CYLC2: variants seen among roughly 807,000 people sequenced by gnomAD.
CYLC2 encodes cylicin 2, also known as cylicin-2.
A neutral mutation model predicts 26.1 loss-of-function variants in CYLC2; 30 were observed. The observed-to-expected ratio is 1.15, with a 90% CI of 0.86 to 1.56. The LOEUF (loss-of-function observed/expected upper bound fraction) is 1.56, where lower values mean the gene tolerates loss of function less well. Ranked by LOEUF, CYLC2 falls within the 40% of genes most tolerant of loss-of-function variation. CYLC2 has a pLI of 0.00. For synonymous variants in CYLC2, 158 were observed against 132.8 expected (o/e 1.19, Z -1.31); for missense variants, 498 against 394.4 (o/e 1.26, Z -2.23).
intron 2 of CYLC2, 62 bp downstream of exon 2, chr9:103,001,680 C>T: frequency 9.6e-7 from 1 of 1,039,888 alleles, no homozygotes; most frequent in East Asian, 2.4e-5. Context: ...TAAGTATTAT[C>T]CTCTATTCAA....
intron 5 of CYLC2, among the ~76,000 whole-genome samples, chr9:103,010,508 C>T (rs180772090): frequency 2.0e-5 from 3 of 152,096 alleles, no homozygotes; most frequent in East Asian, 3.9e-4. Flanking sequence ...GAGTGCAAAA[C>T]CAGAATTTGA....
Position 103,006,017 on chromosome 9 carries a change from GACACACACACACACACAC to G in CYLC2, c.*377_*394del, listed in dbSNP as rs201304746. 13,866 of 120,042 alleles carry G rather than the reference GACACACACACACACACAC, an allele frequency of 0.12. 841 individuals carry two copies. The highest frequency in any genetic ancestry group is 0.21 in the East Asian group (935 of 4,392). The allele number at this position is 120,042 out of a possible 1,614,324, so 7.4% of individuals were successfully genotyped here. On this transcript the variant is annotated 3_prime_UTR_variant, in exon 5 of 8. Coordinates refer to ENST00000374798, the MANE Select transcript of CYLC2 (RefSeq NM_001340.5). ...TGAAGATAATGACACTAAATCTATG[GACACACACACACACACAC>G]ACACACACACACACACACACACACA...
At chr9:103,009,995 GTATA>G (rs200311032) in intron 5 of CYLC2, among the ~76,000 whole-genome samples, 19 of 143,344 alleles carry the variant, frequency 1.3e-4, no homozygotes, top group African/African-American at 3.9e-4. Context: ...ACATGTATGT[GTATA>G]TATATATATA....
At chr9:103,012,549 C>T (rs1174619866) in intron 6 of CYLC2, among the ~76,000 whole-genome samples, 1 of 151,940 alleles carries the variant, frequency 6.6e-6, no homozygotes, top group African/African-American at 2.4e-5. Flanking sequence ...GTAAGTTCTT[C>T]ACTTAGCCTA....
rs2118285695 is a variant in CYLC2, at chr9:103,018,437, A to G, written c.*1003A>G. The G allele has an allele frequency of 6.6e-6, 1 of 152,112 alleles. No homozygotes were observed. Among genetic ancestry groups the G allele is most frequent in the East Asian group, 1.9e-4 (1 of 5,168 alleles). 9.4% of individuals were successfully genotyped at this position (152,112 alleles called of 1,614,324 possible). ...GCTTGACAGCTCTAATTACGAATTG[A>G]ACACATTAAACACCTGGTGAAATTA... On this transcript the variant is annotated 3_prime_UTR_variant, in exon 8 of 8. Coordinates refer to ENST00000374798, the MANE Select transcript of CYLC2 (RefSeq NM_001340.5).
At chr9:103,004,910 A>C in intron 4 of CYLC2, 59 bp downstream of exon 4, 1 of 1,573,274 alleles carries the variant, frequency 6.4e-7, no homozygotes, top group Non-Finnish European at 8.6e-7. Flanking sequence ...GATTTCTATT[A>C]GAATTTTATC....
At position 103,006,112 on chromosome 9, in the gene CYLC2, G is replaced by T. The variant is rs1025433863; in HGVS notation, c.*434G>T. 6.7e-6 allele frequency: 1 copy of T among 149,198 alleles called. No individual in the cohort carries two copies. Among genetic ancestry groups the T allele is most frequent in the Admixed American group, 6.9e-5 (1 of 14,522 alleles). 9.2% of individuals were successfully genotyped at this position (149,198 alleles called of 1,614,324 possible). A position where few individuals can be genotyped will look rare whatever the true frequency, so the allele number is the denominator to read the frequency against. ...TAAAGAATCCAAGGAGACAGATGTT[G>T]TATCTATAGATTTAAAATAATCTCA... On this transcript the variant is annotated 3_prime_UTR_variant, in exon 5 of 8. Transcript: ENST00000374798.
In CYLC2 at chr9:103,012,045, T is replaced by G. The variant is rs1037569821; in HGVS notation, c.*764T>G. The G allele has an allele frequency of 7.1e-6, 1 of 141,534 alleles. No homozygotes were observed. Among genetic ancestry groups the G allele is most frequent in the African/African-American group, 2.6e-5 (1 of 37,868 alleles). The allele number at this position is 141,534 out of a possible 1,614,324, so 8.8% of individuals were successfully genotyped here. On this transcript the variant is annotated 3_prime_UTR_variant, in exon 6 of 8. Coordinates refer to ENST00000374798, the MANE Select transcript of CYLC2 (RefSeq NM_001340.5). The stretch of plus-strand genomic sequence containing the variant: ...TCTCAGGCTTACTACAGCCTCCACC[T>G]TCAGGTTCAAGTGATTCTCCTGCCT...
Position 103,005,114 on chromosome 9 carries a change from CA to C in CYLC2, c.489del (p.Gly164ValfsTer69). On this transcript the variant is annotated frameshift_variant, in exon 5 of 8. Coordinates refer to ENST00000374798, the MANE Select transcript of CYLC2 (RefSeq NM_001340.5). LOFTEE classifies it high-confidence loss of function. Reference sequence around the variant, plus strand: ...AAAAGCTAGATGCAAAGAAAGATAGCAAAAAAGGTAAAAAGGATGCAGAGAA... The same window carrying C: ...AAAAGCTAGATGCAAAGAAAGATAGCAAAAAGGTAAAAAGGATGCAGAGAA... ...EEKLDAKKDS[K>X]KGKKDAEKGK... The C allele has an allele frequency of 6.2e-7, 1 of 1,605,148 alleles. No homozygotes were observed. The highest frequency in any genetic ancestry group is 1.7e-5 in the Admixed American group (1 of 57,898).
At position 102,997,513 on chromosome 9, in the gene CYLC2, T is replaced by G. The variant is rs1004914502; in HGVS notation, c.17+2116T>G. Among the ~76,000 whole-genome samples, 4 of 152,024 alleles carry G rather than the reference T, an allele frequency of 2.6e-5. No individual in the cohort carries two copies. The East Asian group carries it at 5.8e-4, about 22-fold the overall frequency. ...GTTGACCTTGCCTTTACACAGAGAC[T>G]CCTCTAGCAAATACAAGAAGAGAAG... On this transcript the variant is annotated intron_variant, in intron 1 of 7. Coordinates refer to ENST00000374798, the MANE Select transcript of CYLC2 (RefSeq NM_001340.5).
chr9:102,999,579 A>G (rs1030081785), intron 1 of CYLC2, among the ~76,000 whole-genome samples: 1 of 151,308 alleles, frequency 6.6e-6, no homozygotes, highest in Non-Finnish European at 1.5e-5. Flanking sequence ...TATTCCTCCA[A>G]TAAGTTTAAT....
chr9:103,003,518 C>T (rs2118234289), intron 3 of CYLC2, among the ~76,000 whole-genome samples: 1 of 152,242 alleles, frequency 6.6e-6, no homozygotes, highest in East Asian at 1.9e-4. Flanking sequence ...TTGAATTTTA[C>T]ATTTAAATTA....
At position 103,004,857 on chromosome 9, in the gene CYLC2, G is replaced by A; in HGVS notation, c.337+6G>A. The A allele has an allele frequency of 6.2e-7, 1 of 1,605,412 alleles. No individual in the cohort carries two copies. The stretch of plus-strand genomic sequence containing the variant: ...GGTGGATTCTAAAGCAGCAGGTAGA[G>A]ATAACTTACTGTTTTTATAGTATCT... On this transcript the variant is annotated splice_donor_region_variant and intron_variant, in intron 4 of 7. Coordinates refer to ENST00000374798, the MANE Select transcript of CYLC2 (RefSeq NM_001340.5).
chr9:103,005,804 G>T lies in CYLC2; in HGVS notation c.*126G>T. The T allele has an allele frequency of 2.8e-6, 3 of 1,078,544 alleles. No homozygotes were observed. In the Admixed American group the frequency reaches 7.0e-5, roughly 25 times the overall value. 66.8% of individuals were successfully genotyped at this position (1,078,544 alleles called of 1,614,324 possible). On this transcript the variant is annotated 3_prime_UTR_variant, in exon 5 of 8. Coordinates refer to ENST00000374798, the MANE Select transcript of CYLC2 (RefSeq NM_001340.5). Reference sequence around the variant, plus strand: ...CAAAGAATTAAATAATTTTTAAAAGGTGGTAAAGAAGGATACAAAGGAGAA... The same window carrying T: ...CAAAGAATTAAATAATTTTTAAAAGTTGGTAAAGAAGGATACAAAGGAGAA...
rs1031942658 is a variant in CYLC2 at position 103,016,890 on chromosome 9, A to C, written c.*819A>C. 6.6e-6 allele frequency: 1 copy of C among 151,974 alleles called. No individual in the cohort carries two copies. The highest frequency in any genetic ancestry group is 1.5e-5 in the Non-Finnish European group (1 of 67,962). 9.4% of individuals were successfully genotyped at this position (151,974 alleles called of 1,614,324 possible). On this transcript the variant is annotated splice_region_variant and 3_prime_UTR_variant, in exon 7 of 8. Transcript: ENST00000374798. ...GATAAACTTTTTGTTTTTGAAAGGG[A>C]AGGAAAATAGCTGGCATTTCTTGCT...
At chr9:103,015,468 T>C (rs1829493273) in intron 6 of CYLC2, among the ~76,000 whole-genome samples, 1 of 138,272 alleles carries the variant, frequency 7.2e-6, no homozygotes, top group Non-Finnish European at 1.5e-5. Context: ...ATAATTATAA[T>C]ATATAATACA....
intron 5 of CYLC2, among the ~76,000 whole-genome samples, chr9:103,008,741 T>C (rs1159420197): frequency 6.6e-6 from 1 of 152,156 alleles, no homozygotes; most frequent in Admixed American, 6.5e-5. Flanking sequence ...TATAATTCAT[T>C]ACATTTCTAC....
At chr9:103,002,998 A>G (rs1197992038) in intron 2 of CYLC2, 144 bp from the exon 3 acceptor site, 4 of 971,058 alleles carry the variant, frequency 4.1e-6, no homozygotes, top group African/African-American at 3.3e-5. Flanking sequence ...ATAACAGAAA[A>G]TTGCAAACAT....
Position 103,004,734 on chromosome 9 carries a change from C to T in CYLC2, c.220C>T (p.Pro74Ser). Residue 74 changes from proline (P) to serine (S), a missense_variant, in exon 4 of 8, where the codon CCA becomes TCA. Physicochemically the swap from Pro to Ser is moderately conservative, Grantham distance 74. Transcript: ENST00000374798. ...EEQLRGDRRQPLWMYRSLMRI... is the reference protein window; with the variant it reads ...EEQLRGDRRQSLWMYRSLMRI... Reference sequence around the variant, plus strand: ...ACAATTAAGAGGAGATCGTAGACAACCATTATGGATGTACCGTTCTTTAAT... The same window carrying T: ...ACAATTAAGAGGAGATCGTAGACAATCATTATGGATGTACCGTTCTTTAAT... The T allele has an allele frequency of 6.2e-7, 1 of 1,605,382 alleles. No individual in the cohort carries two copies. The highest frequency in any genetic ancestry group is 8.5e-7 in the Non-Finnish European group (1 of 1,177,006).
Sources: gnomAD v4.1 joint callset for allele counts (sites outside exome capture counted in the v4.1 genomes callset) on GRCh38, gnomAD v4.1.1 for gene constraint, MANE v1.5 for transcripts, NCBI Gene and HGNC (gene_info 2026-07-23, HGNC 2026-07-21) for gene names.